C2CD3: variants seen among roughly 807,000 people sequenced by gnomAD.
The protein encoded by C2CD3 is C2 domain-containing protein 3.
C2CD3 carries 148 observed loss-of-function variants against 234.0 expected under a neutral mutation model. That is an observed-to-expected ratio of 0.63 (90% CI 0.55 to 0.72). The LOEUF is 0.72. Ranked by LOEUF, C2CD3 falls within the 30% of genes least tolerant of loss-of-function variation. C2CD3 has a pLI of 0.00. For synonymous variants in C2CD3, 1,000 were observed against 1,035.4 expected (o/e 0.97, Z 0.66); for missense variants, 2,577 against 2,811.5 (o/e 0.92, Z 1.89).
intron 7 of C2CD3, among the ~76,000 whole-genome samples, chr11:74,130,561 T>A (rs1038280366): frequency 3.3e-5 from 5 of 152,160 alleles, no homozygotes; most frequent in Non-Finnish European, 4.4e-5. Flanking sequence ...CATGGGGCTA[T>A]CCAGTTGTTC....
chr11:74,077,805 A>AATCTCTT (rs1955122089), intron 23 of C2CD3, among the ~76,000 whole-genome samples: 1 of 19,418 alleles, frequency 5.1e-5, no homozygotes, highest in African/African-American at 2.4e-4. Flanking sequence ...ATATATATAT[A>AATCTCTT]TATATATATA....
In C2CD3 at chr11:74,170,856, G is replaced by T; in HGVS notation, c.-64C>A. 1.3e-6 allele frequency: 2 copies of T among 1,599,134 alleles called. No individual in the cohort carries two copies. Among genetic ancestry groups the T allele is most frequent in the Non-Finnish European group, 1.7e-6 (2 of 1,172,682 alleles). On this transcript the variant is annotated 5_prime_UTR_variant, in exon 1 of 33. Coordinates refer to ENST00000334126, the MANE Select transcript of C2CD3 (RefSeq NM_001286577.2). ...TCCAGCACCTAAGCAGTATCCTCCC[G>T]CCATCCCTCCCCACGGCGCCTGCGT...
At chr11:74,056,678 A>G (rs1358655603) in intron 25 of C2CD3, among the ~76,000 whole-genome samples, 1 of 152,222 alleles carries the variant, frequency 6.6e-6, no homozygotes, top group Non-Finnish European at 1.5e-5. Flanking sequence ...CCACTACACC[A>G]GAAGTCTTTT....
At chr11:74,153,895 A>G (rs1855841973) in intron 3 of C2CD3, among the ~76,000 whole-genome samples, 1 of 152,158 alleles carries the variant, frequency 6.6e-6, no homozygotes, top group Non-Finnish European at 1.5e-5. Context: ...TGAAACAGAA[A>G]GGAGTCTAGA....
intron 2 of C2CD3, among the ~76,000 whole-genome samples, chr11:74,165,434 AG>A (rs1266959901): frequency 3.3e-5 from 5 of 152,208 alleles, no homozygotes; most frequent in Admixed American, 3.3e-4. Context: ...AAATGGCTTG[AG>A]AAAAAAATAT....
intron 9 of C2CD3, among the ~76,000 whole-genome samples, chr11:74,117,101 AAT>A (rs1180002486): frequency 0.019 from 189 of 10,214 alleles, 15 homozygotes; most frequent in African/African-American, 0.038. Flanking sequence ...TATATATATG[AAT>A]ATATATATAT....
At chr11:74,033,276 C>G in intron 31 of C2CD3, 75 bp downstream of exon 31, 1 of 1,275,612 alleles carries the variant, frequency 7.8e-7, no homozygotes, top group South Asian at 1.4e-5. Flanking sequence ...ATGAGGGTGG[C>G]CACTTGCTCA....
intron 26 of C2CD3, among the ~76,000 whole-genome samples, chr11:74,050,477 G>A (rs1244050171): frequency 6.6e-6 from 1 of 152,132 alleles, no homozygotes; most frequent in Non-Finnish European, 1.5e-5. Context: ...CTGACATGAC[G>A]TAGCTGGGGA....
Position 74,095,227 on chromosome 11 carries a change from C to A in C2CD3, c.3160+1G>T, listed in dbSNP as rs1956062603. The stretch of plus-strand genomic sequence containing the variant: ...TAAGAAAGCCTAATATCTAAACCTA[C>A]CATTTTCAAGGAACTCAGGTCCTTT... On this transcript the variant is annotated splice_donor_variant, in intron 17 of 32. Coordinates refer to ENST00000334126, the MANE Select transcript of C2CD3 (RefSeq NM_001286577.2). LOFTEE classifies it high-confidence loss of function. The A allele has an allele frequency of 1.4e-5, 23 of 1,604,994 alleles. No homozygotes were observed. The highest frequency in any genetic ancestry group is 2.0e-5 in the Non-Finnish European group (23 of 1,174,922).
At position 74,078,609 on chromosome 11, in the gene C2CD3, G is replaced by A. The variant is rs892600956; in HGVS notation, c.4109C>T (p.Thr1370Met). Reference protein sequence around the residue: ...VGGLELSISFTHRGDRERVLE... With the variant: ...VGGLELSISFMHRGDRERVLE... ...CACCCGTTCTCTATCTCCACGATGC[G>A]TGAAGGAAATCGAAAGCTCCAGACC... Residue 1370 changes from threonine (T) to methionine (M), a missense_variant, in exon 23 of 33, where the codon ACG (threonine) becomes ATG (methionine). Physicochemically the swap from Thr to Met is moderately conservative, Grantham distance 81. Transcript: ENST00000334126. 1.9e-6 allele frequency: 3 copies of A among 1,614,034 alleles called. No individual in the cohort carries two copies. Among genetic ancestry groups the A allele is most frequent in the East Asian group, 4.5e-5 (2 of 44,898 alleles).
At chr11:74,020,858 G>A (rs935488154) in intron 32 of C2CD3, among the ~76,000 whole-genome samples, 7 of 152,232 alleles carry the variant, frequency 4.6e-5, no homozygotes, top group African/African-American at 1.7e-4. Flanking sequence ...GAGCAGAGAA[G>A]TCACATGATT....
chr11:74,075,431 T>C (rs1165674626), intron 23 of C2CD3, among the ~76,000 whole-genome samples: 6 of 152,066 alleles, frequency 3.9e-5, no homozygotes, highest in Non-Finnish European at 7.4e-5. Context: ...GGAGTTAATA[T>C]TTGTTGAGTG....
chr11:74,078,432 A>G lies in C2CD3; in HGVS notation c.4286T>C (p.Ile1429Thr), dbSNP rs1339508322. Residue 1429 changes from isoleucine (I) to threonine (T), a missense_variant, in exon 23 of 33, where the codon ATT (isoleucine) becomes ACT (threonine). Physicochemically the swap from Ile to Thr is moderately conservative, Grantham distance 89. Coordinates refer to ENST00000334126, the MANE Select transcript of C2CD3 (RefSeq NM_001286577.2). Reference sequence around the variant, plus strand: ...AAGGTAGCAATATGTATTCTTATGAATGTGGTTGTGGCCAGCAAGCAGCAC... The same window carrying G: ...AAGGTAGCAATATGTATTCTTATGAGTGTGGTTGTGGCCAGCAAGCAGCAC... ...HCVLLAGHNH[I>T]HKNTYCYLRY... The G allele has an allele frequency of 6.2e-7, 1 of 1,614,172 alleles. No homozygotes were observed. Among genetic ancestry groups the G allele is most frequent in the African/African-American group, 1.3e-5 (1 of 75,038 alleles).
At chr11:74,073,405 G>A (rs1205060500) in intron 24 of C2CD3, among the ~76,000 whole-genome samples, 3 of 152,056 alleles carry the variant, frequency 2.0e-5, no homozygotes, top group East Asian at 1.9e-4. Context: ...TGTCCAACAT[G>A]GTGAAAACAC....
chr11:74,133,132 T>C (rs1018235492), intron 6 of C2CD3, among the ~76,000 whole-genome samples, 160 bp from the exon 7 acceptor site: 1 of 152,210 alleles, frequency 6.6e-6, no homozygotes, highest in Non-Finnish European at 1.5e-5. Flanking sequence ...AGCTCTTTCC[T>C]ACAGTAGAAT....
intron 7 of C2CD3, among the ~76,000 whole-genome samples, chr11:74,126,165 G>A (rs967677085): frequency 7.2e-5 from 11 of 152,126 alleles, no homozygotes; most frequent in Non-Finnish European, 1.6e-4. Context: ...TGGAATTTTA[G>A]GTTGAAAATA....
intron 26 of C2CD3, among the ~76,000 whole-genome samples, chr11:74,052,384 T>TA (rs919331155): frequency 6.6e-6 from 1 of 152,264 alleles, no homozygotes; most frequent in Admixed American, 6.5e-5. Flanking sequence ...ACTATTATTC[T>TA]AATTTTATAA....
chr11:74,132,825 G>C lies in C2CD3; in HGVS notation c.1217+19C>G. The stretch of plus-strand genomic sequence containing the variant: ...GGAGGAAGAGTTTAAAAGGAAGAAA[G>C]CCAGTTAATAGTGCTTACCTGCCTA... On this transcript the variant is annotated intron_variant, in intron 7 of 32. Transcript: ENST00000334126. 6.2e-7 allele frequency: 1 copy of C among 1,607,110 alleles called. No individual in the cohort carries two copies. Among genetic ancestry groups the C allele is most frequent in the Non-Finnish European group, 8.5e-7 (1 of 1,177,330 alleles).
intron 3 of C2CD3, among the ~76,000 whole-genome samples, chr11:74,140,432 A>C (rs1958016595): frequency 1.3e-5 from 2 of 152,214 alleles, no homozygotes; most frequent in Admixed American, 6.5e-5. Flanking sequence ...CCATTAGCAT[A>C]ATCACCATTT....
Sources: gnomAD v4.1 joint callset for allele counts (sites outside exome capture counted in the v4.1 genomes callset) on GRCh38, gnomAD v4.1.1 for gene constraint, MANE v1.5 for transcripts, NCBI Gene and HGNC (gene_info 2026-07-23, HGNC 2026-07-21) for gene names.